The following BTBD8 variants were observed in gnomAD, a reference collection of about 807,000 sequenced individuals.
BTBD8 encodes BTB/POZ domain-containing protein 8.
A neutral mutation model predicts 162.9 loss-of-function variants in BTBD8; 110 were observed. That is an observed-to-expected ratio of 0.68 (90% confidence interval 0.58 to 0.79). BTBD8 has a LOEUF of 0.79. Among genes scored for constraint, BTBD8 ranks in the 30% least tolerant of loss-of-function variants. The pLI, the probability that BTBD8 is intolerant of heterozygous loss-of-function variation, is 0.00. For synonymous variants in BTBD8, 667 were observed against 716.1 expected (o/e 0.93, Z 1.10); for missense variants, 1,905 against 2,085.4 (o/e 0.91, Z 1.68).
chr1:92,098,783 A>G (rs112929129), intron 2 of BTBD8, among the ~76,000 whole-genome samples: 4 of 152,220 alleles, frequency 2.6e-5, no homozygotes, highest in African/African-American at 9.6e-5. Flanking sequence ...TTCTCTTTAA[A>G]CTATTATGCT....
chr1:92,119,632 C>CTTT (rs147430647), intron 4 of BTBD8, among the ~76,000 whole-genome samples: 2 of 141,954 alleles, frequency 1.4e-5, no homozygotes, highest in Non-Finnish European at 3.1e-5. Context: ...TTTCTTTTTT[C>CTTT]TTTTTTTTTT....
At chr1:92,118,827 T>C (rs1171752999) in intron 4 of BTBD8, among the ~76,000 whole-genome samples, 1 of 131,168 alleles carries the variant, frequency 7.6e-6, no homozygotes, top group African/African-American at 2.9e-5. Flanking sequence ...TTTTGCTCTA[T>C]TTGTTACAAC....
intron 6 of BTBD8, 105 bp downstream of exon 6, chr1:92,139,535 C>A: frequency 7.0e-7 from 1 of 1,431,856 alleles, no homozygotes; most frequent in Non-Finnish European, 9.1e-7. Context: ...TTTTTATAGT[C>A]TATTATACTA....
chr1:92,101,569 G>A (rs1648592648), intron 2 of BTBD8, among the ~76,000 whole-genome samples: 1 of 152,216 alleles, frequency 6.6e-6, no homozygotes, highest in Admixed American at 6.5e-5. Flanking sequence ...AGGTTCCAGG[G>A]GTGAGGTGAC....
chr1:92,181,517 T>G lies in BTBD8; in HGVS notation c.3834T>G (p.Asp1278Glu). 6.4e-7 allele frequency: 1 copy of G among 1,551,754 alleles called. No homozygotes were observed. Among genetic ancestry groups the G allele is most frequent in the Non-Finnish European group, 8.7e-7 (1 of 1,146,980 alleles). The change falls in exon 17 of 18, where the codon GAT (aspartate) becomes GAG (glutamate). Residue 1278 changes from aspartate to glutamate, a missense_variant. By Grantham distance (45) the Asp-to-Glu change is conservative (BLOSUM62 2). Coordinates refer to ENST00000636805, the MANE Select transcript of BTBD8 (RefSeq NM_001376131.1). ...ATGCTGGAGGGTCTCAGGATGATGATGGGTCAAATGACAGAGGTATCTCTA... is the reference window on the plus strand; with the variant it reads ...ATGCTGGAGGGTCTCAGGATGATGAGGGGTCAAATGACAGAGGTATCTCTA... ...DYDAGGSQDD[D>E]GSNDRGISKC...
At chr1:92,179,378 A>T (rs1181636588) in intron 16 of BTBD8, among the ~76,000 whole-genome samples, 1 of 152,218 alleles carries the variant, frequency 6.6e-6, no homozygotes, top group African/African-American at 2.4e-5. Context: ...CGAAAAGAGT[A>T]CTGATCAGAT....
intron 2 of BTBD8, among the ~76,000 whole-genome samples, chr1:92,100,364 C>G (rs1031504781): frequency 6.6e-6 from 1 of 151,976 alleles, no homozygotes; most frequent in East Asian, 1.9e-4. Context: ...TCCTTCCTCT[C>G]CTGTGTTTTT....
intron 13 of BTBD8, among the ~76,000 whole-genome samples, chr1:92,175,497 A>AAAG: frequency 6.7e-6 from 1 of 149,828 alleles, no homozygotes; most frequent in Non-Finnish European, 1.5e-5. Context: ...AAAAAAAAAA[A>AAAG]AAGAATGACA....
intron 9 of BTBD8, among the ~76,000 whole-genome samples, chr1:92,158,946 A>G (rs985971126): frequency 8.6e-5 from 13 of 151,990 alleles, no homozygotes; most frequent in African/African-American, 2.9e-4. Flanking sequence ...TTGTAGAGAA[A>G]TGGTTTCACC....
chr1:92,097,520 A>G lies in BTBD8; in HGVS notation c.348-4953A>G, dbSNP rs576230783. ...CTTCATCATCCCAGAAAGAAGCCCC[A>G]TAGCCATTAGCAGCCACCCCTATTT... On this transcript the variant is annotated intron_variant, in intron 2 of 17. Transcript: ENST00000636805. 2.6e-5 allele frequency among the ~76,000 whole-genome samples: 4 copies of G among 152,288 alleles called. No individual in the cohort carries two copies. In the South Asian group the frequency reaches 6.2e-4, roughly 24 times the overall value.
chr1:92,118,608 T>C (rs1278845067), intron 4 of BTBD8, among the ~76,000 whole-genome samples: 1 of 151,924 alleles, frequency 6.6e-6, no homozygotes, highest in Non-Finnish European at 1.5e-5. Context: ...GTAGCCCATA[T>C]TTAAGTGATA....
chr1:92,127,875 T>A (rs927124967), intron 4 of BTBD8, among the ~76,000 whole-genome samples: 7 of 152,136 alleles, frequency 4.6e-5, no homozygotes, highest in African/African-American at 1.7e-4. Context: ...CTTTTTACTT[T>A]AGCCTTTGTT....
chr1:92,183,154 A>T (rs868814081), intron 17 of BTBD8, among the ~76,000 whole-genome samples: 10 of 152,302 alleles, frequency 6.6e-5, no homozygotes, highest in Non-Finnish European at 1.0e-4. Context: ...ATTTAGAAGC[A>T]ATGATAATAT....
In BTBD8 at chr1:92,180,878, C is replaced by T. The variant is rs535686073; in HGVS notation, c.3195C>T (p.Cys1065=). 2.7e-5 allele frequency: 42 copies of T among 1,551,606 alleles called. No individual in the cohort carries two copies. The highest frequency in any genetic ancestry group is 1.7e-4 in the Middle Eastern group (1 of 5,992). The part of the protein sequence containing the change: ...KFPNHKETDD[C]DAANICCHSV... Reference sequence around the variant, plus strand: ...CCAATCACAAAGAAACAGATGATTGCGATGCAGCTAACATATGTTGTCATT... The same window carrying T: ...CCAATCACAAAGAAACAGATGATTGTGATGCAGCTAACATATGTTGTCATT... Residue 1065 remains cysteine, a synonymous_variant, in exon 17 of 18, where the codon TGC becomes TGT. Transcript: ENST00000636805.
chr1:92,088,663 CTAAT>C (rs1324190705), intron 1 of BTBD8, 31 bp from the exon 2 acceptor site: 7 of 1,453,510 alleles, frequency 4.8e-6, no homozygotes, highest in South Asian at 1.5e-5. Context: ...TTTAGTATCA[CTAAT>C]TAAACTATGA....
intron 8 of BTBD8, 90 bp from the exon 9 acceptor site, chr1:92,147,594 G>A (rs1487074419): frequency 5.5e-6 from 5 of 908,634 alleles, no homozygotes; most frequent in South Asian, 1.6e-5. Context: ...TCATATATAT[G>A]TACAGTTATG....
intron 4 of BTBD8, chr1:92,115,172 A>G: frequency 1.9e-6 from 1 of 533,724 alleles, no homozygotes; most frequent in Non-Finnish European, 3.7e-6. Context: ...TGGCAGCACC[A>G]GTAGATAGAT....
Position 92,178,289 on chromosome 1 carries a change from T to C in BTBD8, c.2442-23T>C, listed in dbSNP as rs1025964262. 5 of 1,540,446 alleles carry C rather than the reference T, an allele frequency of 3.2e-6. No homozygotes were observed. The African/African-American group carries it at 6.9e-5, about 21-fold the overall frequency. ...ATGTTTTGGAATCTAAGTGTAATAC[T>C]GAATGCAAATAATTTTTTTTAGTGT... On this transcript the variant is annotated intron_variant, in intron 15 of 17. Transcript: ENST00000636805.
Position 92,107,978 on chromosome 1 carries a change from T to C in BTBD8, c.639T>C (p.Asp213=), listed in dbSNP as rs1159177668. Residue 213 remains aspartate (D), a synonymous_variant, in exon 4 of 18, where the codon GAT becomes GAC. Coordinates refer to ENST00000636805, the MANE Select transcript of BTBD8 (RefSeq NM_001376131.1). ...GCCCAGATATTGATATTTTTGTTGA[T>C]GGAAAACGTTTTAAAGCTCACAGGT... ...PCCPDIDIFV[D]GKRFKAHRAI... 1 of 1,613,844 alleles carries C rather than the reference T, an allele frequency of 6.2e-7. No homozygotes were observed. The highest frequency in any genetic ancestry group is 8.5e-7 in the Non-Finnish European group (1 of 1,179,768).
Sources: allele counts gnomAD v4.1 joint callset (sites outside exome capture counted in the v4.1 genomes callset), GRCh38; gene constraint gnomAD v4.1.1; transcripts MANE v1.5; gene names NCBI Gene and HGNC (gene_info 2026-07-23, HGNC 2026-07-21).